The following API5 variants were observed in gnomAD, a reference collection of about 807,000 sequenced individuals.
API5 encodes the protein FIF.
A neutral mutation model predicts 71.9 loss-of-function variants in API5; 6 were observed. That is an observed-to-expected ratio of 0.08 (90% CI 0.05 to 0.16). The LOEUF (loss-of-function observed/expected upper bound fraction) is 0.16. API5 is among the 10% of genes least tolerant of loss of function. API5 has a pLI of 1.00. For missense variants in API5, 332 were observed against 612.8 expected (o/e 0.54, Z 4.84); for synonymous variants, 189 against 221.3 (o/e 0.85, Z 1.30).
Position 43,312,051 on chromosome 11 carries a change from T to G in API5, c.-77T>G. ...AGGTGTAATAGTGCGGGTAGTGGGT[T>G]TGGAGAAGTTCCGAGGCGGCGGTGG... On this transcript the variant is annotated 5_prime_UTR_variant, in exon 1 of 14. Coordinates refer to ENST00000531273, the MANE Select transcript of API5 (RefSeq NM_001142930.2). 1.3e-6 allele frequency: 2 copies of G among 1,527,658 alleles called. No individual in the cohort carries two copies. The highest frequency in any genetic ancestry group is 9.0e-7 in the Non-Finnish European group (1 of 1,110,422). The allele number at this position is 1,527,658 out of a possible 1,614,324, so 94.6% of individuals were successfully genotyped here. A position where few individuals can be genotyped will look rare whatever the true frequency, so the allele number is the denominator to read the frequency against.
intron 1 of API5, 43 bp from the exon 2 acceptor site, chr11:43,318,597 C>A: frequency 1.9e-6 from 3 of 1,601,010 alleles, no homozygotes; most frequent in Non-Finnish European, 2.6e-6. Flanking sequence ...TGCTTCCCAT[C>A]CTTCAAAATC....
At position 43,330,073 on chromosome 11, in the gene API5, T is replaced by C. The variant is rs1344114987; in HGVS notation, c.1221+15T>C. 1.3e-6 allele frequency: 2 copies of C among 1,599,646 alleles called. No individual in the cohort carries two copies. Among genetic ancestry groups the C allele is most frequent in the African/African-American group, 2.7e-5 (2 of 74,592 alleles). On this transcript the variant is annotated intron_variant, in intron 10 of 13. Transcript: ENST00000531273. ...AAACAGAAGAGGTAAGAATACTGGC[T>C]CACATTTCATAAACTGCTAGTTCCA... is the stretch of plus-strand genomic sequence containing the variant.
At chr11:43,328,607 T>G (rs1855150442) in intron 8 of API5, 105 bp from the exon 9 acceptor site, 2 of 1,042,690 alleles carry the variant, frequency 1.9e-6, no homozygotes, top group African/African-American at 3.2e-5. Context: ...TTGGTAGTTT[T>G]TAATGCTCCA....
At chr11:43,316,972 A>T (rs1327326356) in intron 1 of API5, among the ~76,000 whole-genome samples, 1 of 152,182 alleles carries the variant, frequency 6.6e-6, no homozygotes, top group African/African-American at 2.4e-5. Context: ...GTAACTTTGC[A>T]TCCTGCTTTA....
At chr11:43,341,333 A>G (rs1325767953) in intron 13 of API5, among the ~76,000 whole-genome samples, 1 of 152,204 alleles carries the variant, frequency 6.6e-6, no homozygotes, top group Non-Finnish European at 1.5e-5. Context: ...GAATCAACCC[A>G]GAATCAACAG....
At chr11:43,336,833 C>G (rs1024496557) in intron 13 of API5, among the ~76,000 whole-genome samples, 4 of 151,588 alleles carry the variant, frequency 2.6e-5, no homozygotes, top group Non-Finnish European at 4.4e-5. Context: ...AGGGTGAAAC[C>G]CCGTCTCTAC....
At chr11:43,335,393 A>C in intron 12 of API5, 39 bp downstream of exon 12, 4 of 1,304,298 alleles carry the variant, frequency 3.1e-6, no homozygotes, top group South Asian at 1.2e-5. Context: ...GTGTTATCAA[A>C]ACTTAATACG....
At chr11:43,335,232 C>A in intron 11 of API5, 46 bp from the exon 12 acceptor site, 1 of 1,394,574 alleles carries the variant, frequency 7.2e-7, no homozygotes, top group South Asian at 1.2e-5. Context: ...CACTCCCTGC[C>A]ACCAACAAAT....
intron 10 of API5, 200 bp downstream of exon 10, chr11:43,330,258 C>T: frequency 3.3e-6 from 2 of 613,546 alleles, no homozygotes; most frequent in South Asian, 2.1e-5. Flanking sequence ...TGCATGTGAC[C>T]TTACTCATTT....
chr11:43,338,787 G>C (rs1340497687), intron 13 of API5, among the ~76,000 whole-genome samples: 1 of 151,890 alleles, frequency 6.6e-6, no homozygotes, highest in Non-Finnish European at 1.5e-5. Flanking sequence ...AAAATTGAAA[G>C]AGTGGATTGT....
chr11:43,312,135 C>T lies in API5; in HGVS notation c.8C>T (p.Thr3Ile). The T allele has an allele frequency of 6.2e-7, 1 of 1,613,864 alleles. No individual in the cohort carries two copies. Among genetic ancestry groups the T allele is most frequent in the Non-Finnish European group, 8.5e-7 (1 of 1,179,946 alleles). Residue 3 changes from threonine (T) to isoleucine (I), a missense_variant, in exon 1 of 14, where the codon ACA (threonine) becomes ATA (isoleucine). By Grantham distance (89) the Thr-to-Ile change is moderately conservative. Transcript: ENST00000531273. Reference protein sequence around the residue: MPTVEELYRNYGI... With the variant: MPIVEELYRNYGI... The stretch of plus-strand genomic sequence containing the variant: ...CTGGGCTTGTCGCTCACCATGCCGA[C>T]AGTAGAGGAGCTTTACCGCAATTAT...
intron 2 of API5, among the ~76,000 whole-genome samples, chr11:43,319,498 A>T (rs927261486): frequency 3.3e-5 from 5 of 152,316 alleles, no homozygotes; most frequent in African/African-American, 1.2e-4. Flanking sequence ...TTGCACATCC[A>T]TAGCTCACTG....
At chr11:43,316,591 C>A (rs1488382307) in intron 1 of API5, among the ~76,000 whole-genome samples, 1 of 152,042 alleles carries the variant, frequency 6.6e-6, no homozygotes, top group Non-Finnish European at 1.5e-5. Context: ...AGCATGATTT[C>A]TTTTTTTAAT....
At chr11:43,325,219 C>T (rs573110811) in intron 6 of API5, among the ~76,000 whole-genome samples, 1 of 152,188 alleles carries the variant, frequency 6.6e-6, no homozygotes, top group Non-Finnish European at 1.5e-5. Flanking sequence ...GGTCAGACAT[C>T]AGTTTGAAAA....
chr11:43,316,242 G>A (rs1052652669), intron 1 of API5, among the ~76,000 whole-genome samples: 16 of 152,170 alleles, frequency 1.1e-4, no homozygotes, highest in Non-Finnish European at 2.1e-4. Flanking sequence ...TAAAAGATAA[G>A]AATAGTAGTA....
Position 43,326,036 on chromosome 11 carries a change from G to A in API5, c.751-471G>A, listed in dbSNP as rs200414309. On this transcript the variant is annotated intron_variant, in intron 6 of 13. Transcript: ENST00000531273. ...ACAGGGACAATTTTTTAAGAGTTTTGATGAGGAATCATTAGGCATCCACCT... is the reference window on the plus strand; with the variant it reads ...ACAGGGACAATTTTTTAAGAGTTTTAATGAGGAATCATTAGGCATCCACCT... Among the ~76,000 whole-genome samples the A allele has an allele frequency of 8.5e-5, 13 of 152,292 alleles. No individual in the cohort carries two copies. The East Asian group carries it at 1.9e-3, about 23-fold the overall frequency.
intron 3 of API5, 60 bp from the exon 4 acceptor site, chr11:43,321,351 T>G: frequency 7.2e-7 from 1 of 1,379,880 alleles, no homozygotes; most frequent in Non-Finnish European, 1.0e-6. Context: ...AGTTTGAAAC[T>G]GAAGCAGATG....
chr11:43,325,676 T>TC (rs1855046990), intron 6 of API5, among the ~76,000 whole-genome samples: 2 of 152,118 alleles, frequency 1.3e-5, no homozygotes, highest in African/African-American at 2.4e-5. Flanking sequence ...GGGATCAAGA[T>TC]CCTGAAGCAT....
chr11:43,332,693 T>TACAC (rs138031132), intron 11 of API5, among the ~76,000 whole-genome samples: 1 of 151,836 alleles, frequency 6.6e-6, no homozygotes, highest in Non-Finnish European at 1.5e-5. Flanking sequence ...CACTCTCATA[T>TACAC]ACACACACAC....
Sources: gnomAD v4.1 joint callset for allele counts (sites outside exome capture counted in the v4.1 genomes callset) on GRCh38, gnomAD v4.1.1 for gene constraint, MANE v1.5 for transcripts, NCBI Gene and HGNC (gene_info 2026-07-23, HGNC 2026-07-21) for gene names.